PCSK2: variants seen among roughly 807,000 people sequenced by gnomAD.
PCSK2 encodes proprotein convertase subtilisin/kexin type 2.
PCSK2 carries 14 observed loss-of-function variants against 69.7 expected under a neutral mutation model. The observed-to-expected ratio is 0.20, with a 90% CI of 0.13 to 0.31. The LOEUF (loss-of-function observed/expected upper bound fraction) is 0.31. Among genes scored for constraint, PCSK2 ranks in the 10% least tolerant of loss-of-function variants. The pLI is 1.00. For synonymous variants in PCSK2, 307 were observed against 320.7 expected (o/e 0.96, Z 0.46); for missense variants, 544 against 842.5 (o/e 0.65, Z 4.39).
chr20:17,241,852 C>T (rs1009184044), intron 1 of PCSK2, among the ~76,000 whole-genome samples: 7 of 152,192 alleles, frequency 4.6e-5, no homozygotes, highest in Non-Finnish European at 5.9e-5. Flanking sequence ...GATCCTAGCT[C>T]ACCTAATAGG....
chr20:17,342,597 C>T (rs1990537536), intron 2 of PCSK2, among the ~76,000 whole-genome samples: 1 of 151,972 alleles, frequency 6.6e-6, no homozygotes, highest in African/African-American at 2.4e-5. Flanking sequence ...GGATTACAGG[C>T]ATGAGCCACC....
intron 2 of PCSK2, among the ~76,000 whole-genome samples, chr20:17,336,407 A>T (rs1055886549): frequency 6.6e-6 from 1 of 152,184 alleles, no homozygotes. Flanking sequence ...GGTCCCTAAG[A>T]TGCATTGATC....
chr20:17,255,661 ACGTAT>A (rs1161615004), intron 1 of PCSK2, among the ~76,000 whole-genome samples: 3 of 152,056 alleles, frequency 2.0e-5, no homozygotes, highest in Non-Finnish European at 2.9e-5. Context: ...ATTTTTTAAA[ACGTAT>A]TTATTATAAA....
chr20:17,305,130 C>G (rs1029589812), intron 2 of PCSK2, among the ~76,000 whole-genome samples: 14 of 152,102 alleles, frequency 9.2e-5, no homozygotes, highest in Admixed American at 7.9e-4. Flanking sequence ...TATGACAAAG[C>G]AGCATTTTCC....
chr20:17,456,209 C>A, intron 9 of PCSK2, 139 bp from the exon 10 acceptor site: 1 of 607,014 alleles, frequency 1.6e-6, no homozygotes. Flanking sequence ...CCACTGCACT[C>A]CAGCCTGGGC....
chr20:17,433,814 C>CTCTCTCTCTCTCTCTCTCTCT lies in PCSK2; in HGVS notation c.710-2894_710-2893insTCTCTCTCTCTCTCTCTCTCT, dbSNP rs1555795288. 9.7e-4 allele frequency among the ~76,000 whole-genome samples: 69 copies of CTCTCTCTCTCTCTCTCTCTCT among 70,864 alleles called. 7 individuals carry two copies. The highest frequency in any genetic ancestry group is 3.6e-3 in the African/African-American group (51 of 14,184). The allele number at this position is 70,864 out of a possible 152,430, so 46.5% of individuals were successfully genotyped here. A position where few individuals can be genotyped will look rare whatever the true frequency, so the allele number is the denominator to read the frequency against. ...CTCTCTCTCTCTCTCTCTCTCTCTC[C>CTCTCTCTCTCTCTCTCTCTCT]CCCCACTTCCTTCCCTCCTCCTCCT... On this transcript the variant is annotated intron_variant, in intron 7 of 11. Coordinates refer to ENST00000262545, the MANE Select transcript of PCSK2 (RefSeq NM_002594.5).
At chr20:17,393,974 C>T (rs1272983982) in intron 5 of PCSK2, among the ~76,000 whole-genome samples, 1 of 152,148 alleles carries the variant, frequency 6.6e-6, no homozygotes. Context: ...TGTTGCTCTA[C>T]CGAATTCCAA....
intron 5 of PCSK2, among the ~76,000 whole-genome samples, chr20:17,404,186 A>C (rs1323009100): frequency 1.3e-5 from 2 of 152,208 alleles, no homozygotes; most frequent in Non-Finnish European, 1.5e-5. Flanking sequence ...CACAACCTGC[A>C]CAACTGTACA....
At chr20:17,438,790 A>G (rs2032537891) in intron 8 of PCSK2, among the ~76,000 whole-genome samples, 1 of 152,244 alleles carries the variant, frequency 6.6e-6, no homozygotes, top group Admixed American at 6.5e-5. Context: ...CTAAGGCAGG[A>G]GCCTGTTTGC....
chr20:17,353,439 T>C (rs2123200570), intron 2 of PCSK2, among the ~76,000 whole-genome samples: 1 of 140,304 alleles, frequency 7.1e-6, no homozygotes, highest in East Asian at 2.1e-4. Flanking sequence ...CATTCCAGCC[T>C]GGTGACAGAG....
At chr20:17,380,389 T>C (rs1480337828) in intron 5 of PCSK2, among the ~76,000 whole-genome samples, 1 of 152,170 alleles carries the variant, frequency 6.6e-6, no homozygotes, top group Non-Finnish European at 1.5e-5. Context: ...TAAATAATAA[T>C]TCTGCTGCAA....
intron 2 of PCSK2, among the ~76,000 whole-genome samples, chr20:17,309,701 C>T (rs1048033310): frequency 1.3e-5 from 2 of 152,104 alleles, no homozygotes; most frequent in Middle Eastern, 3.4e-3. Flanking sequence ...GCCTGTAATC[C>T]CTGCTACTCG....
At chr20:17,378,909 G>A (rs181072991) in intron 5 of PCSK2, among the ~76,000 whole-genome samples, 6 of 152,176 alleles carry the variant, frequency 3.9e-5, no homozygotes, top group East Asian at 3.9e-4. Flanking sequence ...CTTCATTATC[G>A]GTATATACGC....
rs2033441507 is a variant in PCSK2 at position 17,483,226 on chromosome 20, T to C, written c.*1156T>C. On this transcript the variant is annotated 3_prime_UTR_variant, in exon 12 of 12. Transcript: ENST00000262545. ...GCGCTATCTTCACATAGTTCTCCAG[T>C]TGTATGGAGCCTCTTCTGCCAAGAG... 6.6e-6 allele frequency: 1 copy of C among 152,064 alleles called. No homozygotes were observed. The highest frequency in any genetic ancestry group is 1.5e-5 in the Non-Finnish European group (1 of 68,014). 9.4% of individuals were successfully genotyped at this position (152,064 alleles called of 1,614,324 possible). A position where few individuals can be genotyped will look rare whatever the true frequency, so the allele number is the denominator to read the frequency against.
At chr20:17,251,729 C>A (rs1354334660) in intron 1 of PCSK2, among the ~76,000 whole-genome samples, 2 of 152,070 alleles carry the variant, frequency 1.3e-5, no homozygotes, top group South Asian at 2.1e-4. Context: ...TATAAAACAG[C>A]AATTTTATTA....
chr20:17,245,528 G>A (rs945238809), intron 1 of PCSK2, among the ~76,000 whole-genome samples: 1 of 152,114 alleles, frequency 6.6e-6, no homozygotes, highest in African/African-American at 2.4e-5. Flanking sequence ...TGATGTTTGG[G>A]AGTAGTTAAC....
intron 2 of PCSK2, among the ~76,000 whole-genome samples, chr20:17,303,037 C>T (rs1989138404): frequency 6.6e-6 from 1 of 151,606 alleles, no homozygotes; most frequent in Non-Finnish European, 1.5e-5. Context: ...CCATTTTTCT[C>T]CTAAACTTTT....
At chr20:17,296,037 C>CT (rs1988882379) in intron 2 of PCSK2, among the ~76,000 whole-genome samples, 3 of 152,272 alleles carry the variant, frequency 2.0e-5, no homozygotes, top group Admixed American at 2.0e-4. Context: ...GTTCCATAAC[C>CT]TCAGAGGGTG....
At chr20:17,229,920 A>G (rs1578401) in intron 1 of PCSK2, among the ~76,000 whole-genome samples, 59,854 of 152,036 alleles carry the variant, frequency 0.39, 12,315 homozygotes, top group Middle Eastern at 0.57. Flanking sequence ...TTTCCTCATT[A>G]TTTCAGGTAT....
Sources: allele counts gnomAD v4.1 joint callset (sites outside exome capture counted in the v4.1 genomes callset), GRCh38; gene constraint gnomAD v4.1.1; transcripts MANE v1.5; gene names NCBI Gene and HGNC (gene_info 2026-07-23, HGNC 2026-07-21).